Variants in PCDH9 observed in about 807,000 individuals in gnomAD.
PCDH9 encodes the protein protocadherin-9.
In PCDH9, 24 loss-of-function variants were observed where a neutral mutation model predicts 70.6. The observed-to-expected ratio is 0.34, with a 90% CI of 0.25 to 0.48. The LOEUF is 0.48. Among genes scored for constraint, PCDH9 ranks in the 20% least tolerant of loss-of-function variants. The pLI is 0.99. For synonymous variants in PCDH9, 562 were observed against 558.5 expected (o/e 1.01, Z -0.09); for missense variants, 1,281 against 1,503.6 (o/e 0.85, Z 2.45).
intron 3 of PCDH9, among the ~76,000 whole-genome samples, chr13:66,735,122 T>A (rs1389445144): frequency 6.6e-6 from 1 of 152,206 alleles, no homozygotes; most frequent in Admixed American, 6.5e-5. Context: ...AAAAGTTATA[T>A]CTACAACAGA....
At chr13:67,181,151 T>C (rs1250244254) in intron 2 of PCDH9, among the ~76,000 whole-genome samples, 1 of 152,184 alleles carries the variant, frequency 6.6e-6, no homozygotes, top group Non-Finnish European at 1.5e-5. Flanking sequence ...GCTGGTTTTC[T>C]AGATCAGTGG....
In PCDH9 at chr13:66,425,005, G is replaced by C. The variant is rs144586048; in HGVS notation, c.3341-119977C>G. 2.7e-4 allele frequency among the ~76,000 whole-genome samples: 41 copies of C among 151,822 alleles called. No homozygotes were observed. In the East Asian group the frequency reaches 6.8e-3, roughly 25 times the overall value. ...TATTTGCTAAAGAAAATTATGACATGCCAGGATGGTCAAACCACAACAAAG... is the reference window on the plus strand; with the variant it reads ...TATTTGCTAAAGAAAATTATGACATCCCAGGATGGTCAAACCACAACAAAG... On this transcript the variant is annotated intron_variant, in intron 4 of 4. Coordinates refer to ENST00000377865, the MANE Select transcript of PCDH9 (RefSeq NM_203487.3).
At chr13:67,136,177 G>A (rs573356742) in intron 2 of PCDH9, among the ~76,000 whole-genome samples, 18 of 152,118 alleles carry the variant, frequency 1.2e-4, no homozygotes, top group African/African-American at 3.9e-4. Flanking sequence ...ACCTACCATT[G>A]CGTTATAATC....
chr13:66,645,645 G>A (rs1052536870), intron 3 of PCDH9, among the ~76,000 whole-genome samples: 23 of 152,080 alleles, frequency 1.5e-4, no homozygotes, highest in Admixed American at 1.5e-3. Context: ...AAATATTCTA[G>A]GATAGAAGAG....
At chr13:66,622,611 CTCTGT>C in intron 4 of PCDH9, among the ~76,000 whole-genome samples, 1 of 152,144 alleles carries the variant, frequency 6.6e-6, no homozygotes, top group South Asian at 2.1e-4. Context: ...TGTGTGGACA[CTCTGT>C]ATCTAGCTAA....
intron 4 of PCDH9, among the ~76,000 whole-genome samples, chr13:66,343,317 T>C (rs117193905): frequency 0.026 from 3,980 of 152,296 alleles, 82 homozygotes; most frequent in Non-Finnish European, 0.042. Flanking sequence ...AGTCCTCTGC[T>C]GAGAGTCTCG....
intron 4 of PCDH9, among the ~76,000 whole-genome samples, chr13:66,456,256 A>G (rs897951446): frequency 1.3e-5 from 2 of 152,178 alleles, no homozygotes; most frequent in Non-Finnish European, 1.5e-5. Context: ...TGAATTGTCT[A>G]TTGTTTTTCT....
intron 2 of PCDH9, among the ~76,000 whole-genome samples, chr13:67,104,713 T>G (rs2138249919): frequency 6.6e-6 from 1 of 152,214 alleles, no homozygotes; most frequent in Admixed American, 6.5e-5. Flanking sequence ...CACGCTAGGC[T>G]AATTTTTTTG....
intron 4 of PCDH9, among the ~76,000 whole-genome samples, chr13:66,429,719 A>AG (rs1194814973): frequency 4.0e-5 from 6 of 151,374 alleles, no homozygotes; most frequent in Admixed American, 2.0e-4. Flanking sequence ...AAGAAGAAGA[A>AG]AAAAATAACT....
intron 3 of PCDH9, among the ~76,000 whole-genome samples, chr13:66,856,946 TATAAAA>T (rs1413299105): frequency 9.9e-5 from 15 of 152,082 alleles, no homozygotes; most frequent in Admixed American, 7.9e-4. Flanking sequence ...TCTTTTTTCA[TATAAAA>T]ATAAAGTCTT....
intron 3 of PCDH9, 60 bp from the exon 4 acceptor site, chr13:66,631,471 T>C: frequency 1.0e-6 from 1 of 957,812 alleles, no homozygotes. Context: ...ACAGGCCTAG[T>C]GGAACACAAA....
At chr13:67,173,578 G>A (rs2088359271) in intron 2 of PCDH9, among the ~76,000 whole-genome samples, 2 of 152,176 alleles carry the variant, frequency 1.3e-5, no homozygotes, top group South Asian at 2.1e-4. Context: ...TAAAAGTCTG[G>A]AATGGTGAAC....
intron 2 of PCDH9, among the ~76,000 whole-genome samples, chr13:66,959,580 C>A (rs1215349820): frequency 6.6e-6 from 1 of 151,746 alleles, no homozygotes; most frequent in Non-Finnish European, 1.5e-5. Context: ...TGGCAAGACC[C>A]TGTCTCTGCA....
At chr13:66,306,831 CCTCTA>C (rs1955475823) in intron 4 of PCDH9, among the ~76,000 whole-genome samples, 1 of 151,674 alleles carries the variant, frequency 6.6e-6, no homozygotes, top group South Asian at 2.1e-4. Flanking sequence ...CTTTCTTTGC[CCTCTA>C]CAATCTGGCC....
chr13:66,693,764 G>C (rs1377829913), intron 3 of PCDH9, among the ~76,000 whole-genome samples: 1 of 152,138 alleles, frequency 6.6e-6, no homozygotes, highest in Non-Finnish European at 1.5e-5. Context: ...TTATTAGGTG[G>C]GTCCAGTTAA....
intron 4 of PCDH9, among the ~76,000 whole-genome samples, chr13:66,471,981 C>T (rs984886925): frequency 1.3e-5 from 2 of 151,870 alleles, no homozygotes; most frequent in Admixed American, 6.6e-5. Flanking sequence ...GAGGCCGAGG[C>T]GGGCGGATCG....
intron 3 of PCDH9, among the ~76,000 whole-genome samples, chr13:66,800,874 A>T (rs569612373): frequency 6.6e-6 from 1 of 152,268 alleles, no homozygotes; most frequent in African/African-American, 2.4e-5. Flanking sequence ...TCTTGTGAAG[A>T]TCAAACAAGC....
chr13:66,656,771 C>A (rs903425581), intron 3 of PCDH9, among the ~76,000 whole-genome samples: 54 of 152,214 alleles, frequency 3.5e-4, no homozygotes, highest in African/African-American at 1.2e-3. Flanking sequence ...TACAAAATTC[C>A]AAGTTTGAAA....
chr13:66,305,338 A>G (rs963404267), intron 4 of PCDH9, among the ~76,000 whole-genome samples: 1 of 152,076 alleles, frequency 6.6e-6, no homozygotes, highest in African/African-American at 2.4e-5. Context: ...GTATACAGAT[A>G]TAACCATGAT....
Sources: gnomAD v4.1 joint callset for allele counts (sites outside exome capture counted in the v4.1 genomes callset) on GRCh38, gnomAD v4.1.1 for gene constraint, MANE v1.5 for transcripts, NCBI Gene and HGNC (gene_info 2026-07-23, HGNC 2026-07-21) for gene names.